The following ATP9A variants were observed in gnomAD, a reference collection of about 807,000 sequenced individuals.
ATP9A encodes the protein probable phospholipid-transporting ATPase IIA.
A neutral mutation model predicts 144.1 loss-of-function variants in ATP9A; 52 were observed. The ratio of observed to expected loss-of-function variants is 0.36; its 90% CI spans 0.29 to 0.45. ATP9A has a LOEUF of 0.45. ATP9A is among the 20% of genes least tolerant of loss of function. The pLI is 1.00. For synonymous variants in ATP9A, 582 were observed against 557.4 expected (o/e 1.04, Z -0.62); for missense variants, 947 against 1,392.7 (o/e 0.68, Z 5.09).
In ATP9A at chr20:51,731,619, T is replaced by C. The variant is rs187624614; in HGVS notation, c.69-1641A>G. Among the ~76,000 whole-genome samples, 305 of 151,414 alleles carry C rather than the reference T, an allele frequency of 2.0e-3. 1 individual carries two copies. The highest frequency in any genetic ancestry group is 7.0e-3 in the African/African-American group (289 of 41,254). On this transcript the variant is annotated intron_variant, in intron 1 of 27. Transcript: ENST00000338821. ...CTATAATCCCAGCTACCAGGGAGGC[T>C]GAGGCAGGAGAATAGCTTGAACTCG...
At chr20:51,636,183 C>T (rs182911921) in intron 15 of ATP9A, among the ~76,000 whole-genome samples, 147 of 152,250 alleles carry the variant, frequency 9.7e-4, no homozygotes, top group African/African-American at 3.5e-3. Context: ...ACCACAACAG[C>T]CAATCTGAGG....
At chr20:51,737,740 A>G (rs1391666024) in intron 1 of ATP9A, among the ~76,000 whole-genome samples, 1 of 152,208 alleles carries the variant, frequency 6.6e-6, no homozygotes, top group Non-Finnish European at 1.5e-5. Context: ...GATATTAACT[A>G]AGCAAAAAAC....
At position 51,611,286 on chromosome 20, in the gene ATP9A, G is replaced by C. The variant is rs2122712429; in HGVS notation, c.2572-1121C>G. On this transcript the variant is annotated intron_variant, in intron 23 of 27. Coordinates refer to ENST00000338821, the MANE Select transcript of ATP9A (RefSeq NM_006045.3). The surrounding 1 kb of genome is among the most constrained non-coding windows in gnomAD (Gnocchi z 4.2). ...GTGATCCTGAGCGCCATGGCCACAG[G>C]AAGCCCCAGTTCGCCCTGGCTGCGC... 6.6e-6 allele frequency among the ~76,000 whole-genome samples: 1 copy of C among 152,292 alleles called. No homozygotes were observed.
At chr20:51,731,620 G>A (rs190309946) in intron 1 of ATP9A, among the ~76,000 whole-genome samples, 256 of 152,042 alleles carry the variant, frequency 1.7e-3, no homozygotes, top group Non-Finnish European at 3.3e-3. Context: ...CAGGGAGGCT[G>A]AGGCAGGAGA....
intron 4 of ATP9A, among the ~76,000 whole-genome samples, chr20:51,710,350 A>G (rs1410811844): frequency 6.6e-6 from 1 of 152,186 alleles, no homozygotes; most frequent in African/African-American, 2.4e-5. Flanking sequence ...ACAGTCCATC[A>G]TGAATATACT....
At chr20:51,698,670 C>T (rs1340263343) in intron 4 of ATP9A, among the ~76,000 whole-genome samples, 1 of 152,172 alleles carries the variant, frequency 6.6e-6, no homozygotes, top group Non-Finnish European at 1.5e-5. Flanking sequence ...TGTCAACAAA[C>T]TCTGTGGGAG....
intron 1 of ATP9A, among the ~76,000 whole-genome samples, chr20:51,766,559 A>T (rs1357734121): frequency 6.6e-6 from 1 of 152,144 alleles, no homozygotes; most frequent in Non-Finnish European, 1.5e-5. Flanking sequence ...AAAACGAAGG[A>T]GGCCGGGCGC....
Position 51,729,906 on chromosome 20 carries a change from C to T in ATP9A, c.141G>A (p.Glu47=). The change falls in exon 2 of 28, where the codon GAG becomes GAA. Residue 47 remains glutamate, a synonymous_variant. Coordinates refer to ENST00000338821, the MANE Select transcript of ATP9A (RefSeq NM_006045.3). ...RPRTVWLGHP[E]KRDQRYPRNV... is the part of the protein sequence containing the mutation. ...TCCGAGGATACCTCTGGTCTCTCTT[C>T]TCGGGGTGCCCCAGCCAGACAGTGC... is the stretch of plus-strand genomic sequence containing the variant. 2 of 1,606,910 alleles carry T rather than the reference C, an allele frequency of 1.2e-6. No homozygotes were observed. Among genetic ancestry groups the T allele is most frequent in the Non-Finnish European group, 1.7e-6 (2 of 1,178,078 alleles).
Position 51,766,400 on chromosome 20 carries a change from T to C in ATP9A, c.68+1902A>G, listed in dbSNP as rs530973312. On this transcript the variant is annotated intron_variant, in intron 1 of 27. Transcript: ENST00000338821. ...CAGCTGGAGTGGCTCCTGCACATAGTAGGCGTCTCATAATTGCTCATGGCA... is the reference window on the plus strand; with the variant it reads ...CAGCTGGAGTGGCTCCTGCACATAGCAGGCGTCTCATAATTGCTCATGGCA... Among the ~76,000 whole-genome samples, 16 of 152,328 alleles carry C rather than the reference T, an allele frequency of 1.1e-4. 1 individual carries two copies. The highest frequency in any genetic ancestry group is 3.8e-4 in the African/African-American group (16 of 41,578).
At chr20:51,655,646 A>G (rs1331377404) in intron 14 of ATP9A, among the ~76,000 whole-genome samples, 1 of 152,184 alleles carries the variant, frequency 6.6e-6, no homozygotes, top group Non-Finnish European at 1.5e-5. Flanking sequence ...ATTGACCGAG[A>G]TGTGGAGAAA....
chr20:51,637,821 A>G (rs982761218), intron 15 of ATP9A, among the ~76,000 whole-genome samples: 3 of 151,030 alleles, frequency 2.0e-5, no homozygotes, highest in Non-Finnish European at 2.9e-5. Context: ...TATACACTGA[A>G]CCCAACTTGT....
intron 1 of ATP9A, among the ~76,000 whole-genome samples, chr20:51,766,564 G>C (rs6013276): frequency 0.02 from 2,980 of 152,008 alleles, 36 homozygotes; most frequent in Non-Finnish European, 0.032. Flanking sequence ...GAAGGAGGCC[G>C]GGCGCGGTGA....
chr20:51,721,159 A>C (rs2077687316), intron 3 of ATP9A, among the ~76,000 whole-genome samples: 1 of 152,208 alleles, frequency 6.6e-6, no homozygotes, highest in Admixed American at 6.5e-5. Flanking sequence ...CGGCGTATGC[A>C]CGCCCACTCC....
At chr20:51,710,015 T>C (rs1568830682) in intron 4 of ATP9A, among the ~76,000 whole-genome samples, 2 of 152,092 alleles carry the variant, frequency 1.3e-5, no homozygotes, top group Admixed American at 6.5e-5. Flanking sequence ...TAAGACCTCA[T>C]GTGAGGCCGG....
chr20:51,733,712 T>C (rs977195319), intron 1 of ATP9A, among the ~76,000 whole-genome samples: 2 of 151,890 alleles, frequency 1.3e-5, no homozygotes, highest in African/African-American at 4.8e-5. Context: ...AAATCTGTAT[T>C]ACCCAGGCTG....
intron 1 of ATP9A, among the ~76,000 whole-genome samples, chr20:51,756,128 C>T (rs977135836): frequency 2.0e-5 from 3 of 152,134 alleles, no homozygotes; most frequent in Admixed American, 6.6e-5. Flanking sequence ...GCTTAAACAA[C>T]AGAAACTTAT....
chr20:51,639,289 C>G, intron 15 of ATP9A, 54 bp downstream of exon 15: 1 of 1,537,240 alleles, frequency 6.5e-7, no homozygotes, highest in East Asian at 2.3e-5. Context: ...CAGGGACACA[C>G]GCAGCACACC....
At chr20:51,626,226 T>C (rs538949695) in intron 17 of ATP9A, among the ~76,000 whole-genome samples, 6 of 152,346 alleles carry the variant, frequency 3.9e-5, no homozygotes, top group Admixed American at 2.6e-4. Context: ...TGGTGGTTCA[T>C]GCCTGTAATC....
intron 4 of ATP9A, among the ~76,000 whole-genome samples, chr20:51,711,025 G>A (rs1195572592): frequency 6.6e-6 from 1 of 152,014 alleles, no homozygotes; most frequent in Non-Finnish European, 1.5e-5. Flanking sequence ...ATTAAGGGAG[G>A]ATTTAATATA....
Sources: allele counts gnomAD v4.1 joint callset (sites outside exome capture counted in the v4.1 genomes callset), GRCh38; gene constraint gnomAD v4.1.1; non-coding constraint Gnocchi (gnomAD v3.1); transcripts MANE v1.5; gene names NCBI Gene and HGNC (gene_info 2026-07-23, HGNC 2026-07-21).